Variants in AHCTF1 observed in about 807,000 individuals in gnomAD.
AHCTF1 encodes the protein protein ELYS.
AHCTF1 carries 24 observed loss-of-function variants against 248.4 expected under a neutral mutation model. The ratio of observed to expected loss-of-function variants is 0.10; its 90% confidence interval spans 0.07 to 0.14. The LOEUF is 0.14. Ranked by LOEUF, AHCTF1 falls within the 10% of genes least tolerant of loss-of-function variation. The probability of loss-of-function intolerance (pLI) is 1.00; values close to 1 mark genes in which losing one functional copy is unlikely to be tolerated. For missense variants in AHCTF1, 2,206 were observed against 2,636.2 expected (o/e 0.84, Z 3.57); for synonymous variants, 786 against 929.8 (o/e 0.85, Z 2.81).
chr1:246,916,463 A>C, intron 2 of AHCTF1, 68 bp from the exon 3 acceptor site: 47 of 1,364,374 alleles, frequency 3.4e-5, no homozygotes, highest in African/African-American at 4.4e-5. Context: ...CGGTTAGCTC[A>C]TTTACATACA....
intron 27 of AHCTF1, among the ~76,000 whole-genome samples, chr1:246,862,786 T>C (rs968831512): frequency 1.3e-5 from 2 of 152,230 alleles, no homozygotes; most frequent in Admixed American, 1.3e-4. Context: ...TAAGACTGAC[T>C]GTAGTGTTTC....
rs757316981 is a variant in AHCTF1, at chr1:246,855,786, T to C, written c.4298A>G (p.Glu1433Gly). ...TQKSKVPVLD[E>G]GLTSVETYTP... is the part of the protein sequence containing the mutation. ...GTAGGTTTCAACAGATGTTAATCCT[T>C]CGTCCAACACTGGTACCTTGGACTT... The change falls in exon 31 of 36, where the codon GAA becomes GGA. Residue 1433 changes from glutamate (E) to glycine (G), a missense_variant. Glu to Gly is a moderately conservative substitution (Grantham distance 98, BLOSUM62 -2). Around this residue, in one of 6 missense-constraint regions of AHCTF1, gnomAD observed 955 missense variants for 1,055.6 expected, o/e 0.90. Transcript: ENST00000648844. 1.7e-5 allele frequency: 28 copies of C among 1,613,648 alleles called. No homozygotes were observed. Among genetic ancestry groups the C allele is most frequent in the Non-Finnish European group, 2.4e-5 (28 of 1,179,760 alleles).
At chr1:246,861,879 AT>A in intron 28 of AHCTF1, 79 bp downstream of exon 28, 1 of 1,207,002 alleles carries the variant, frequency 8.3e-7, no homozygotes. Context: ...TAAAAACTTG[AT>A]TTATCTAACT....
At chr1:246,854,630 A>T (rs1660976327) in intron 31 of AHCTF1, among the ~76,000 whole-genome samples, 1 of 152,238 alleles carries the variant, frequency 6.6e-6, no homozygotes, top group Admixed American at 6.5e-5. Context: ...GCTAACATTT[A>T]CTAAACTTCA....
intron 13 of AHCTF1, 113 bp downstream of exon 13, chr1:246,895,722 G>C: frequency 1.2e-6 from 1 of 846,820 alleles, no homozygotes; most frequent in Non-Finnish European, 1.8e-6. Flanking sequence ...CTTAACAACT[G>C]CATGTGGATC....
intron 31 of AHCTF1, among the ~76,000 whole-genome samples, chr1:246,854,615 T>TAACA (rs1346729492): frequency 2.0e-5 from 3 of 152,334 alleles, no homozygotes; most frequent in East Asian, 3.9e-4. Context: ...TGATCATTTC[T>TAACA]AACAGCTAAC....
chr1:246,861,413 C>A, intron 28 of AHCTF1, 118 bp from the exon 29 acceptor site: 1 of 963,042 alleles, frequency 1.0e-6, no homozygotes, highest in Admixed American at 2.9e-5. Context: ...CAAATTCTCT[C>A]CTTAATAAAA....
intron 33 of AHCTF1, among the ~76,000 whole-genome samples, chr1:246,844,853 T>C (rs1379648848): frequency 6.6e-6 from 1 of 151,590 alleles, no homozygotes; most frequent in Non-Finnish European, 1.5e-5. Context: ...AAAGCAATTA[T>C]CAATATAATT....
chr1:246,919,585 C>T (rs1376681411), intron 1 of AHCTF1, among the ~76,000 whole-genome samples: 1 of 151,726 alleles, frequency 6.6e-6, no homozygotes, highest in Non-Finnish European at 1.5e-5. Context: ...TGGTGGCACA[C>T]ACCTGTAGTC....
Position 246,867,773 on chromosome 1 carries a change from C to G in AHCTF1, c.3127G>C (p.Val1043Leu). The G allele has an allele frequency of 1.2e-6, 2 of 1,612,410 alleles. No homozygotes were observed. The highest frequency in any genetic ancestry group is 1.7e-6 in the Non-Finnish European group (2 of 1,179,246). ...PKPLSAVPKQ[V>L]VTGTVLTRSV... ...CTTGTCAACACAGTTCCTGTTACAA[C>G]TTGCTTTGGAACTGCTGATAATGGT... The change falls in exon 25 of 36, where the codon GTT (valine) becomes CTT (leucine). Residue 1043 changes from valine (V) to leucine (L), a missense_variant. By Grantham distance (32) the Val-to-Leu change is conservative. Coordinates refer to ENST00000648844, the MANE Select transcript of AHCTF1 (RefSeq NM_001323342.2).
intron 4 of AHCTF1, among the ~76,000 whole-genome samples, chr1:246,911,626 G>A (rs1453004135): frequency 6.6e-6 from 1 of 151,678 alleles, no homozygotes; most frequent in African/African-American, 2.4e-5. Flanking sequence ...TGGGATTAGA[G>A]GCATGCGCCA....
intron 1 of AHCTF1, among the ~76,000 whole-genome samples, chr1:246,929,727 G>A (rs1667191639): frequency 6.6e-6 from 1 of 152,222 alleles, no homozygotes; most frequent in African/African-American, 2.4e-5. Flanking sequence ...AAAGGTAGGC[G>A]TGAAAGACAC....
intron 21 of AHCTF1, among the ~76,000 whole-genome samples, 191 bp from the exon 22 acceptor site, chr1:246,877,493 G>A (rs895084556): frequency 2.0e-5 from 3 of 152,036 alleles, no homozygotes; most frequent in African/African-American, 4.8e-5. Context: ...AAAATGACAC[G>A]TTTAAAGAAT....
chr1:246,877,083 TAA>T lies in AHCTF1; in HGVS notation c.2806-4_2806-3del. The T allele has an allele frequency of 6.2e-7, 1 of 1,612,200 alleles. No individual in the cohort carries two copies. The highest frequency in any genetic ancestry group is 8.5e-7 in the Non-Finnish European group (1 of 1,179,920). On this transcript the variant is annotated splice_region_variant and splice_polypyrimidine_tract_variant and intron_variant, in intron 22 of 35. Transcript: ENST00000648844. ...CTGCAAAAATTTCACTAAACATTCCTAAAAAGAACAAAATAGATTGTAAACTA... is the reference window on the plus strand; with the variant it reads ...CTGCAAAAATTTCACTAAACATTCCTAAAGAACAAAATAGATTGTAAACTA...
In AHCTF1 at chr1:246,879,006, G is replaced by A. The variant is rs146791176; in HGVS notation, c.2661-1704C>T. ...TTTCCCTAAACCAAAATCTAGAAAC[G>A]TTAAAAGCAGAACATTTTTGTATAA... On this transcript the variant is annotated intron_variant, in intron 21 of 35. Transcript: ENST00000648844. Among the ~76,000 whole-genome samples, 336 of 152,174 alleles carry A rather than the reference G, an allele frequency of 2.2e-3. 2 individuals carry two copies. The highest frequency in any genetic ancestry group is 7.9e-3 in the African/African-American group (327 of 41,512).
intron 31 of AHCTF1, among the ~76,000 whole-genome samples, chr1:246,855,423 CACAA>C (rs1053927585): frequency 2.0e-5 from 3 of 152,134 alleles, no homozygotes; most frequent in East Asian, 1.9e-4. Context: ...CTTAAGTTAT[CACAA>C]ACAAACACGA....
intron 24 of AHCTF1, among the ~76,000 whole-genome samples, chr1:246,872,185 C>G (rs924729211): frequency 6.6e-6 from 1 of 151,824 alleles, no homozygotes; most frequent in African/African-American, 2.4e-5. Context: ...ACTAAAGATA[C>G]CTGATCTAAA....
At chr1:246,878,949 C>T (rs1236998703) in intron 21 of AHCTF1, among the ~76,000 whole-genome samples, 3 of 152,122 alleles carry the variant, frequency 2.0e-5, no homozygotes, top group Admixed American at 6.6e-5. Flanking sequence ...TGTTCATCTG[C>T]GTGTGTTCAT....
chr1:246,909,798 T>C (rs2103202807), intron 4 of AHCTF1, among the ~76,000 whole-genome samples: 1 of 152,340 alleles, frequency 6.6e-6, no homozygotes, highest in Non-Finnish European at 1.5e-5. Context: ...AAGGGGGAAC[T>C]ACCCTGCAGA....
Sources: gnomAD v4.1 joint callset for allele counts (sites outside exome capture counted in the v4.1 genomes callset) on GRCh38, gnomAD v4.1.1 for gene constraint, gnomAD v4.1.1 regional missense constraint, MANE v1.5 for transcripts, NCBI Gene and HGNC (gene_info 2026-07-23, HGNC 2026-07-21) for gene names.